Variants in USP15 observed in about 807,000 individuals in gnomAD.
USP15 encodes the protein ubiquitin carboxyl-terminal hydrolase 15.
USP15 carries 18 observed loss-of-function variants against 127.1 expected under a neutral mutation model. The observed-to-expected ratio is 0.14, with a 90% confidence interval of 0.10 to 0.21. The LOEUF (loss-of-function observed/expected upper bound fraction) is 0.21, where lower values mean the gene tolerates loss of function less well. USP15 is among the 10% of genes least tolerant of loss of function. USP15 has a pLI of 1.00. For synonymous variants in USP15, 364 were observed against 393.7 expected (o/e 0.92, Z 0.89); for missense variants, 805 against 1,159.9 (o/e 0.69, Z 4.44).
At chr12:62,281,132 G>T (rs1308668576) in intron 1 of USP15, among the ~76,000 whole-genome samples, 1 of 152,140 alleles carries the variant, frequency 6.6e-6, no homozygotes, top group Non-Finnish European at 1.5e-5. Context: ...AATTTTGGCA[G>T]ATTTCATAGA....
At chr12:62,392,561 C>T (rs898380973) in intron 18 of USP15, among the ~76,000 whole-genome samples, 174 bp downstream of exon 18, 2 of 152,032 alleles carry the variant, frequency 1.3e-5, no homozygotes, top group African/African-American at 2.4e-5. Flanking sequence ...TTAAAAAATA[C>T]GATTACAGTG....
chr12:62,333,800 C>T (rs1013720133), intron 6 of USP15, among the ~76,000 whole-genome samples: 15 of 151,946 alleles, frequency 9.9e-5, no homozygotes, highest in African/African-American at 3.6e-4. Flanking sequence ...GAGTCATATT[C>T]CTATAAATGG....
chr12:62,408,558 A>G lies in USP15; in HGVS notation c.*4183A>G, dbSNP rs1592755465. On this transcript the variant is annotated 3_prime_UTR_variant, in exon 22 of 22. Transcript: ENST00000280377. ...TTTTTTTGTTTGTTTTTACTTTACAAAAAAATAAAAAATTTTTTGCTCTTT... is the reference window on the plus strand; with the variant it reads ...TTTTTTTGTTTGTTTTTACTTTACAGAAAAATAAAAAATTTTTTGCTCTTT... 3.3e-5 allele frequency: 5 copies of G among 152,270 alleles called. No individual in the cohort carries two copies. In the East Asian group the frequency reaches 9.6e-4, roughly 29 times the overall value. 9.4% of individuals were successfully genotyped at this position (152,270 alleles called of 1,614,324 possible). A position where few individuals can be genotyped will look rare whatever the true frequency, so the allele number is the denominator to read the frequency against.
chr12:62,283,754 C>G (rs2063716935), intron 1 of USP15, among the ~76,000 whole-genome samples: 1 of 152,020 alleles, frequency 6.6e-6, no homozygotes, highest in Non-Finnish European at 1.5e-5. Flanking sequence ...ACCAGCCTGG[C>G]TAAGATGGCA....
chr12:62,389,382 A>AT (rs1032505971), intron 11 of USP15, 49 bp from the exon 12 acceptor site: 14 of 1,513,682 alleles, frequency 9.2e-6, no homozygotes, highest in Admixed American at 3.8e-5. Flanking sequence ...CATTTACTGA[A>AT]TTTTTTTTCC....
At chr12:62,342,742 C>T (rs1014821448) in intron 6 of USP15, among the ~76,000 whole-genome samples, 6 of 152,250 alleles carry the variant, frequency 3.9e-5, no homozygotes, top group Middle Eastern at 3.4e-3. Flanking sequence ...TGCAGAACAG[C>T]AAAGATTGCT....
Position 62,414,983 on chromosome 12 carries a change from T to C in USP15, c.*10608T>C, listed in dbSNP as rs563075423. ...TATACACATATCATGTATATACATATATATCATATATGTACATATATATAT... is the reference window on the plus strand; with the variant it reads ...TATACACATATCATGTATATACATACATATCATATATGTACATATATATAT... On this transcript the variant is annotated 3_prime_UTR_variant, in exon 22 of 22. Transcript: ENST00000280377. 1 of 150,134 alleles carries C rather than the reference T, an allele frequency of 6.7e-6. No homozygotes were observed. Among genetic ancestry groups the C allele is most frequent in the African/African-American group, 2.4e-5 (1 of 40,988 alleles). The allele number at this position is 150,134 out of a possible 1,614,324, so 9.3% of individuals were successfully genotyped here.
intron 8 of USP15, 89 bp downstream of exon 8, chr12:62,355,564 A>C (rs559512178): frequency 1.4e-6 from 2 of 1,387,258 alleles, no homozygotes; most frequent in South Asian, 1.6e-5. Flanking sequence ...CCAGAACATG[A>C]GTATATGTTT....
intron 6 of USP15, among the ~76,000 whole-genome samples, chr12:62,332,051 C>T (rs2065319719): frequency 6.6e-6 from 1 of 151,942 alleles, no homozygotes; most frequent in African/African-American, 2.4e-5. Context: ...GTAGTCCCAG[C>T]TACTCGGGAG....
At chr12:62,357,046 A>G (rs140543095) in intron 8 of USP15, among the ~76,000 whole-genome samples, 5 of 152,144 alleles carry the variant, frequency 3.3e-5, no homozygotes, top group Middle Eastern at 3.4e-3. Flanking sequence ...GATATCAGCT[A>G]GAGTTTTTTT....
intron 3 of USP15, chr12:62,303,596 C>G (rs1489554596): frequency 6.6e-6 from 1 of 151,658 alleles, no homozygotes; most frequent in Non-Finnish European, 1.5e-5. Context: ...GTTTGGGTCC[C>G]CCGACCCTCC....
intron 8 of USP15, among the ~76,000 whole-genome samples, chr12:62,377,324 T>C (rs926159286): frequency 6.6e-6 from 1 of 152,230 alleles, no homozygotes; most frequent in East Asian, 1.9e-4. Context: ...GTTCTTATAA[T>C]TGTCAAAAAT....
intron 1 of USP15, among the ~76,000 whole-genome samples, chr12:62,289,212 G>A (rs2063875836): frequency 6.9e-6 from 1 of 144,684 alleles, no homozygotes; most frequent in South Asian, 2.2e-4. Flanking sequence ...GTCCTCTCCT[G>A]AGCTTGTTGT....
intron 6 of USP15, chr12:62,327,784 C>G (rs1309539066): frequency 2.9e-6 from 1 of 347,874 alleles, no homozygotes; most frequent in African/African-American, 2.2e-5. Flanking sequence ...AATACAGGTG[C>G]TGTACTAGAG....
chr12:62,317,044 A>G (rs2064848581), intron 4 of USP15, among the ~76,000 whole-genome samples: 1 of 152,072 alleles, frequency 6.6e-6, no homozygotes, highest in Non-Finnish European at 1.5e-5. Context: ...TGGTTCATTA[A>G]ACAGTTTTGG....
chr12:62,391,690 C>G, intron 16 of USP15, 126 bp from the exon 17 acceptor site: 1 of 944,840 alleles, frequency 1.1e-6, no homozygotes, highest in Non-Finnish European at 1.5e-6. Flanking sequence ...CTGCTGTTTG[C>G]CCTAATCACC....
chr12:62,313,414 C>T (rs1176744721), intron 3 of USP15, among the ~76,000 whole-genome samples: 1 of 151,256 alleles, frequency 6.6e-6, no homozygotes, highest in Non-Finnish European at 1.5e-5. Context: ...TTCCATTTTT[C>T]TTTTTCTTCC....
intron 1 of USP15, among the ~76,000 whole-genome samples, chr12:62,261,588 T>C (rs1430909898): frequency 6.6e-6 from 1 of 152,212 alleles, no homozygotes; most frequent in Non-Finnish European, 1.5e-5. Flanking sequence ...GAGAGTTAAT[T>C]TAAATCATTG....
intron 1 of USP15, among the ~76,000 whole-genome samples, chr12:62,279,763 T>A (rs556669340): frequency 2.6e-5 from 4 of 152,322 alleles, no homozygotes; most frequent in African/African-American, 9.6e-5. Context: ...ACCGACTGCA[T>A]GTATAATAAG....
Sources: gnomAD v4.1 joint callset for allele counts (sites outside exome capture counted in the v4.1 genomes callset) on GRCh38, gnomAD v4.1.1 for gene constraint, MANE v1.5 for transcripts, NCBI Gene and HGNC (gene_info 2026-07-23, HGNC 2026-07-21) for gene names.